Variants in AFF3 observed in about 807,000 individuals in gnomAD.
The protein encoded by AFF3 is ALF transcription elongation factor 3.
Under a neutral mutation model 129.7 loss-of-function variants are expected in AFF3, and 32 were observed. That is an observed-to-expected ratio of 0.25 (90% CI 0.19 to 0.33). The LOEUF (loss-of-function observed/expected upper bound fraction) is 0.33. Among genes scored for constraint, AFF3 ranks in the 10% least tolerant of loss-of-function variants. The pLI is 1.00. For missense variants in AFF3, 1,373 were observed against 1,592.0 expected (o/e 0.86, Z 2.34); for synonymous variants, 644 against 635.4 (o/e 1.01, Z -0.20).
chr2:99,648,917 A>ACACACACACT, intron 13 of AFF3, among the ~76,000 whole-genome samples: 11 of 46,936 alleles, frequency 2.3e-4, no homozygotes, highest in South Asian at 1.2e-3. Context: ...ACACACACAC[A>ACACACACACT]CTCTCTCTCT....
intron 8 of AFF3, among the ~76,000 whole-genome samples, chr2:99,816,637 T>C (rs1687258208): frequency 6.6e-6 from 1 of 152,148 alleles, no homozygotes; most frequent in Non-Finnish European, 1.5e-5. Flanking sequence ...TGTATTCCAC[T>C]GTTATTCTTC....
intron 4 of AFF3, among the ~76,000 whole-genome samples, chr2:100,054,176 C>T (rs1686583103): frequency 6.6e-6 from 1 of 152,166 alleles, no homozygotes; most frequent in South Asian, 2.1e-4. Flanking sequence ...GCTACCTTGG[C>T]CACTGACCAA....
chr2:99,899,224 T>C (rs1228592984), intron 7 of AFF3, among the ~76,000 whole-genome samples: 4 of 152,198 alleles, frequency 2.6e-5, no homozygotes, highest in Non-Finnish European at 5.9e-5. Context: ...ATACACAAGT[T>C]CTTCCAACTC....
At chr2:99,819,793 CCA>C (rs1343435454) in intron 8 of AFF3, among the ~76,000 whole-genome samples, 1 of 152,204 alleles carries the variant, frequency 6.6e-6, no homozygotes, top group Non-Finnish European at 1.5e-5. Context: ...TGGTGAAAAC[CCA>C]CACTGTGTGG....
chr2:99,733,985 G>A (rs773719604), intron 10 of AFF3, among the ~76,000 whole-genome samples: 1 of 152,130 alleles, frequency 6.6e-6, no homozygotes, highest in Non-Finnish European at 1.5e-5. Flanking sequence ...AATTTGATTG[G>A]AGCTGTATTA....
chr2:99,668,879 A>C (rs1292897505), intron 12 of AFF3, among the ~76,000 whole-genome samples: 1 of 152,212 alleles, frequency 6.6e-6, no homozygotes, highest in Non-Finnish European at 1.5e-5. Flanking sequence ...ATTTTTTAAA[A>C]GCATAATCTT....
In AFF3 at chr2:99,752,146, C is replaced by T. The variant is rs561295679; in HGVS notation, c.1002+75G>A. The stretch of plus-strand genomic sequence containing the variant: ...ATATTTACAGAAGAAAAGACAATCA[C>T]GGGTAAAGCCCACTGCCCACTAGAA... On this transcript the variant is annotated intron_variant, in intron 9 of 24. Transcript: ENST00000672756. 1.2e-4 allele frequency: 151 copies of T among 1,295,520 alleles called. 2 individuals carry two copies. In the South Asian group the frequency reaches 1.4e-3, roughly 12 times the overall value. 80.3% of individuals were successfully genotyped at this position (1,295,520 alleles called of 1,614,324 possible). A position where few individuals can be genotyped will look rare whatever the true frequency, so the allele number is the denominator to read the frequency against.
intron 11 of AFF3, among the ~76,000 whole-genome samples, chr2:99,689,718 T>C (rs1052631639): frequency 1.4e-5 from 2 of 140,130 alleles, no homozygotes; most frequent in East Asian, 4.2e-4. Context: ...AGACAAGACC[T>C]GCAAAGAGCA....
chr2:99,554,017 T>C (rs1372278767), intron 24 of AFF3, among the ~76,000 whole-genome samples: 1 of 152,000 alleles, frequency 6.6e-6, no homozygotes, highest in Non-Finnish European at 1.5e-5. Flanking sequence ...CCAACATTAT[T>C]TGTCACAGTG....
intron 11 of AFF3, among the ~76,000 whole-genome samples, chr2:99,716,000 C>T (rs1678347488): frequency 6.6e-6 from 1 of 152,060 alleles, no homozygotes; most frequent in African/African-American, 2.4e-5. Context: ...TTTAAGGCTA[C>T]AGTTACTTTG....
intron 11 of AFF3, among the ~76,000 whole-genome samples, chr2:99,690,327 C>CATA (rs1675514105): frequency 1.3e-5 from 2 of 150,872 alleles, no homozygotes; most frequent in Non-Finnish European, 3.0e-5. Context: ...ACTACAGGCA[C>CATA]CCGCCACCAC....
At position 99,752,251 on chromosome 2, in the gene AFF3, C is replaced by A. The variant is rs1681717749; in HGVS notation, c.972G>T (p.Val324=). ...TTGGAAATGGAAATTTGGTTGGTTC[C>A]ACTTTGCCAGGTGCTTGAATAGCAG... ...PLSAIQAPGK[V]EPTKFPFPNK... is the part of the protein sequence containing the mutation. The change falls in exon 9 of 25, where the codon GTG becomes GTT. Residue 324 remains valine, a synonymous_variant. Transcript: ENST00000672756. 1 of 1,613,982 alleles carries A rather than the reference C, an allele frequency of 6.2e-7. No individual in the cohort carries two copies. The highest frequency in any genetic ancestry group is 8.5e-7 in the Non-Finnish European group (1 of 1,179,910).
chr2:99,976,088 T>TA (rs1445664006), intron 7 of AFF3, among the ~76,000 whole-genome samples: 2 of 152,018 alleles, frequency 1.3e-5, no homozygotes, highest in Non-Finnish European at 2.9e-5. Context: ...AAGGAGGAGT[T>TA]AACGCCAATT....
chr2:100,133,358 G>A lies in AFF3; in HGVS notation c.-227-4052C>T, dbSNP rs182233454. On this transcript the variant is annotated intron_variant, in intron 1 of 24. Transcript: ENST00000672756. ...CATCACTGGAAATATTCACTTTAAT[G>A]TTTGAAAATGTATCTCCTAGTATGT... Among the ~76,000 whole-genome samples, 114 of 152,022 alleles carry A rather than the reference G, an allele frequency of 7.5e-4. 1 individual carries two copies. The highest frequency in any genetic ancestry group is 2.7e-3 in the African/African-American group (111 of 41,508).
intron 17 of AFF3, among the ~76,000 whole-genome samples, chr2:99,581,127 GC>G: frequency 6.6e-6 from 1 of 152,226 alleles, no homozygotes; most frequent in Non-Finnish European, 1.5e-5. Context: ...CATCTCTGGT[GC>G]TCAGCACAGT....
rs574515286 is a variant in AFF3, at chr2:100,118,850, C to T, written c.-145+10374G>A. Among the ~76,000 whole-genome samples, 26 of 149,584 alleles carry T rather than the reference C, an allele frequency of 1.7e-4. 1 individual carries two copies. The South Asian group carries it at 4.9e-3, about 28-fold the overall frequency. On this transcript the variant is annotated intron_variant, in intron 2 of 24. Transcript: ENST00000672756. ...TTTTTGAGACAGAGTCTCGCTCTGT[C>T]GCCCAGGCTAGGGTGCAGTGATCCC...
At chr2:99,923,440 G>A (rs886325963) in intron 7 of AFF3, among the ~76,000 whole-genome samples, 2 of 152,214 alleles carry the variant, frequency 1.3e-5, no homozygotes, top group African/African-American at 2.4e-5. Flanking sequence ...GAATCAGCAA[G>A]TATTTTATTT....
chr2:100,056,057 T>TCA (rs1491369012), intron 4 of AFF3, among the ~76,000 whole-genome samples: 10 of 88,038 alleles, frequency 1.1e-4, no homozygotes, highest in Admixed American at 2.1e-4. Context: ...AATCGCTGTC[T>TCA]CTCTCTCACA....
At chr2:99,575,398 T>A (rs1026598710) in intron 18 of AFF3, among the ~76,000 whole-genome samples, 8 of 150,956 alleles carry the variant, frequency 5.3e-5, no homozygotes, top group African/African-American at 2.0e-4. Flanking sequence ...TAGCTGGGAT[T>A]ACAGGTGCCT....
Sources: gnomAD v4.1 joint callset for allele counts (sites outside exome capture counted in the v4.1 genomes callset) on GRCh38, gnomAD v4.1.1 for gene constraint, MANE v1.5 for transcripts, NCBI Gene and HGNC (gene_info 2026-07-23, HGNC 2026-07-21) for gene names.